Variants in ZNF490 observed in about 807,000 individuals in gnomAD.
The protein encoded by ZNF490 is zinc finger protein 490.
In ZNF490, 11 loss-of-function variants were observed where a neutral mutation model predicts 17.7. That is an observed-to-expected ratio of 0.62 (90% confidence interval 0.39 to 1.03). The LOEUF (loss-of-function observed/expected upper bound fraction) is 1.03, where lower values mean the gene tolerates loss of function less well. ZNF490 is among the 50% of genes least tolerant of loss of function. The probability of loss-of-function intolerance (pLI) is 0.00; values close to 1 mark genes in which losing one functional copy is unlikely to be tolerated. For missense variants in ZNF490, 542 were observed against 643.4 expected (o/e 0.84, Z 1.71); for synonymous variants, 222 against 216.1 (o/e 1.03, Z -0.24).
At chr19:12,600,672 C>T (rs1217576566) in intron 2 of ZNF490, among the ~76,000 whole-genome samples, 2 of 151,998 alleles carry the variant, frequency 1.3e-5, no homozygotes, top group African/African-American at 4.8e-5. Context: ...CTATGGCTAC[C>T]CTAAAACTTT....
intron 2 of ZNF490, among the ~76,000 whole-genome samples, chr19:12,591,902 T>C (rs947072028): frequency 2.0e-5 from 3 of 150,878 alleles, no homozygotes; most frequent in East Asian, 1.9e-4. Flanking sequence ...CTAAAAAGAG[T>C]TGAAAATTTA....
At position 12,584,099 on chromosome 19, in the gene ZNF490, C is replaced by T. The variant is rs1480378483; in HGVS notation, c.163-543G>A. On this transcript the variant is annotated intron_variant, in intron 2 of 4. Coordinates refer to ENST00000311437, the MANE Select transcript of ZNF490 (RefSeq NM_020714.3). ...TGCTGGGATTACAGGCGTGAGCCAC[C>T]GCACCCTGCCATTATTTCTATATTT... is the stretch of plus-strand genomic sequence containing the variant. Among the ~76,000 whole-genome samples, 6 of 91,950 alleles carry T rather than the reference C, an allele frequency of 6.5e-5. 2 individuals are homozygous for T. The highest frequency in any genetic ancestry group is 3.1e-4 in the Admixed American group (3 of 9,758). The allele number at this position is 91,950 out of a possible 152,430, so 60.3% of individuals were successfully genotyped here. A position where few individuals can be genotyped will look rare whatever the true frequency, so the allele number is the denominator to read the frequency against.
intron 2 of ZNF490, among the ~76,000 whole-genome samples, chr19:12,589,233 TATA>T (rs1428300284): frequency 6.6e-6 from 1 of 152,170 alleles, no homozygotes; most frequent in East Asian, 1.9e-4. Flanking sequence ...GGCACAGGCC[TATA>T]ATCCCAGCTA....
Position 12,578,238 on chromosome 19 carries a change from G to GA in ZNF490, c.*2246dup. ...GAATATCTCAGGGTAGAATGTGCCA[G>GA]AAAACAGGGAAAGCAAGTTAGGGGA... On this transcript the variant is annotated 3_prime_UTR_variant, in exon 5 of 5. Transcript: ENST00000311437. 1.0e-6 allele frequency: 1 copy of GA among 985,584 alleles called. No homozygotes were observed. Among genetic ancestry groups the GA allele is most frequent in the Non-Finnish European group, 1.2e-6 (1 of 830,052 alleles). 61.1% of individuals were successfully genotyped at this position (985,584 alleles called of 1,614,324 possible).
At chr19:12,583,930 C>T (rs547644886) in intron 2 of ZNF490, among the ~76,000 whole-genome samples, 1 of 150,808 alleles carries the variant, frequency 6.6e-6, no homozygotes, top group Non-Finnish European at 1.5e-5. Flanking sequence ...CCTGTCTCAG[C>T]CTCCCGAGTA....
At position 12,577,655 on chromosome 19, in the gene ZNF490, G is replaced by A. The variant is rs886634087; in HGVS notation, c.*2830C>T. The stretch of plus-strand genomic sequence containing the variant: ...TCTGCCAGCAAACCTTGCTCCAGTC[G>A]GCCTCTGGACCCTAGTATCTTCACC... On this transcript the variant is annotated 3_prime_UTR_variant, in exon 5 of 5. Coordinates refer to ENST00000311437, the MANE Select transcript of ZNF490 (RefSeq NM_020714.3). 3 of 985,258 alleles carry A rather than the reference G, an allele frequency of 3.0e-6. No individual in the cohort carries two copies. The highest frequency in any genetic ancestry group is 2.4e-6 in the Non-Finnish European group (2 of 829,952). The allele number at this position is 985,258 out of a possible 1,614,324, so 61.0% of individuals were successfully genotyped here.
intron 2 of ZNF490, among the ~76,000 whole-genome samples, chr19:12,590,238 G>A (rs1341177799): frequency 7.1e-6 from 1 of 140,338 alleles, no homozygotes; most frequent in Non-Finnish European, 1.5e-5. Flanking sequence ...CTTTGAGATG[G>A]AGTTTCGCTC....
rs545194742 is a variant in ZNF490, at chr19:12,610,617, T to G, written c.64A>C (p.Lys22Gln). The G allele has an allele frequency of 6.2e-7, 1 of 1,613,846 alleles. No homozygotes were observed. Among genetic ancestry groups the G allele is most frequent in the East Asian group, 2.2e-5 (1 of 44,882 alleles). The change falls in exon 1 of 5, where the codon AAG becomes CAG. Residue 22 changes from lysine (K) to glutamine (Q), a missense_variant. Transcript: ENST00000311437. ...GTGCGGCCTTGACTAGACGACCACTTGCTCTGGACTTGCTCCTCGAGGGGT... is the reference window on the plus strand; with the variant it reads ...GTGCGGCCTTGACTAGACGACCACTGGCTCTGGACTTGCTCCTCGAGGGGT... ...ERPLEEQVQS[K>Q]WSSSQGRTGT...
In ZNF490 at chr19:12,578,256, T is replaced by C; in HGVS notation, c.*2229A>G. 1 of 985,284 alleles carries C rather than the reference T, an allele frequency of 1.0e-6. No homozygotes were observed. Among genetic ancestry groups the C allele is most frequent in the Non-Finnish European group, 1.2e-6 (1 of 830,000 alleles). 61.0% of individuals were successfully genotyped at this position (985,284 alleles called of 1,614,324 possible). On this transcript the variant is annotated 3_prime_UTR_variant, in exon 5 of 5. Transcript: ENST00000311437. ...TGTGCCAGAAAACAGGGAAAGCAAG[T>C]TAGGGGAGGTAAGAATTCTGAGTGT...
At chr19:12,601,068 A>G (rs2022995961) in intron 2 of ZNF490, among the ~76,000 whole-genome samples, 1 of 150,304 alleles carries the variant, frequency 6.7e-6, no homozygotes. Context: ...TCAGGGAGAC[A>G]GGGTAAGACC....
chr19:12,591,352 T>C (rs2022868886), intron 2 of ZNF490, among the ~76,000 whole-genome samples: 4 of 151,688 alleles, frequency 2.6e-5, no homozygotes, highest in Admixed American at 2.0e-4. Flanking sequence ...ATTACGCCAC[T>C]GCACTCCAGC....
chr19:12,582,189 C>T (rs1354061021), intron 4 of ZNF490, among the ~76,000 whole-genome samples: 2 of 152,170 alleles, frequency 1.3e-5, no homozygotes, highest in African/African-American at 4.8e-5. Context: ...GCGTGAGCCA[C>T]TGCGCCCAGC....
At chr19:12,601,728 T>C (rs533055875) in intron 2 of ZNF490, among the ~76,000 whole-genome samples, 88 of 152,166 alleles carry the variant, frequency 5.8e-4, no homozygotes, top group Middle Eastern at 6.8e-3. Context: ...TGCGGTGGCA[T>C]AGGCCTGTAA....
intron 2 of ZNF490, among the ~76,000 whole-genome samples, chr19:12,595,485 AT>A (rs999732413): frequency 4.3e-4 from 64 of 148,792 alleles, no homozygotes; most frequent in African/African-American, 1.3e-3. Flanking sequence ...AAAATGCTTC[AT>A]TTTTTTTTCT....
intron 2 of ZNF490, among the ~76,000 whole-genome samples, 200 bp from the exon 3 acceptor site, chr19:12,583,756 G>GCTCGCTCT (rs2022771888): frequency 3.4e-5 from 1 of 29,750 alleles, no homozygotes; most frequent in Non-Finnish European, 7.0e-5. Context: ...AAATTATTGC[G>GCTCGCTCT]CTCTCTCTCT....
At chr19:12,600,544 A>C (rs1279349680) in intron 2 of ZNF490, among the ~76,000 whole-genome samples, 41 of 152,096 alleles carry the variant, frequency 2.7e-4, no homozygotes, top group Admixed American at 2.7e-3. Context: ...TTCCAAAATG[A>C]TGGAAAACTC....
Position 12,578,780 on chromosome 19 carries a change from G to A in ZNF490, c.*1705C>T. On this transcript the variant is annotated 3_prime_UTR_variant, in exon 5 of 5. Coordinates refer to ENST00000311437, the MANE Select transcript of ZNF490 (RefSeq NM_020714.3). ...GAGGGCAGGCACTGCCCTAGAGGGT[G>A]TTTCCTAACTTCTGACTGGATGCCA... is the stretch of plus-strand genomic sequence containing the variant. 1.0e-6 allele frequency: 1 copy of A among 985,454 alleles called. No homozygotes were observed. Among genetic ancestry groups the A allele is most frequent in the Non-Finnish European group, 1.2e-6 (1 of 829,948 alleles). The allele number at this position is 985,454 out of a possible 1,614,324, so 61.0% of individuals were successfully genotyped here. A position where few individuals can be genotyped will look rare whatever the true frequency, so the allele number is the denominator to read the frequency against.
intron 2 of ZNF490, 32 bp from the exon 3 acceptor site, chr19:12,583,588 GGA>G: frequency 1.3e-6 from 2 of 1,539,360 alleles, no homozygotes. Context: ...TTTAGGAGGA[GGA>G]GAGAGATTCG....
chr19:12,593,499 C>T (rs926164465), intron 2 of ZNF490, among the ~76,000 whole-genome samples: 2 of 152,152 alleles, frequency 1.3e-5, no homozygotes, highest in Admixed American at 6.6e-5. Context: ...ATCCACCCGC[C>T]TCAGCCTCCC....
Sources: allele counts gnomAD v4.1 joint callset (sites outside exome capture counted in the v4.1 genomes callset), GRCh38; gene constraint gnomAD v4.1.1; transcripts MANE v1.5; gene names NCBI Gene and HGNC (gene_info 2026-07-23, HGNC 2026-07-21).